NFX1: variants seen among roughly 807,000 people sequenced by gnomAD.
NFX1 encodes the protein nuclear transcription factor, X-box binding 1.
A neutral mutation model predicts 137.2 loss-of-function variants in NFX1; 69 were observed. The ratio of observed to expected loss-of-function variants is 0.50; its 90% confidence interval spans 0.41 to 0.61. The LOEUF is 0.61. Among genes scored for constraint, NFX1 ranks in the 20% least tolerant of loss-of-function variants. The pLI is 0.00. For synonymous variants in NFX1, 495 were observed against 474.1 expected, an observed-to-expected ratio of 1.04 and a Z score of -0.57; for missense variants, 1,167 against 1,391.0, an observed-to-expected ratio of 0.84 and a Z score of 2.56.
In NFX1 at chr9:33,301,337, C is replaced by A; in HGVS notation, c.1108C>A (p.Pro370Thr). ...CTGTGAATTGGTTCGTGTCACGGCC[C>A]CAGTGTGGAGTTGTCAGAGCTGTTA... is the stretch of plus-strand genomic sequence containing the variant. Reference protein sequence around the residue: ...VCCELVRVTAPVWSCQSCYHV... With the variant: ...VCCELVRVTATVWSCQSCYHV... The change falls in exon 3 of 24, where the codon CCA (proline) becomes ACA (threonine). Residue 370 changes from proline to threonine, a missense_variant. Around this residue, in one of 3 missense-constraint regions of NFX1, gnomAD observed 488 missense variants for 691.5 expected, o/e 0.71. Coordinates refer to ENST00000379540, the MANE Select transcript of NFX1 (RefSeq NM_002504.6). 1.9e-6 allele frequency: 3 copies of A among 1,614,080 alleles called. No homozygotes were observed. Among genetic ancestry groups the A allele is most frequent in the Non-Finnish European group, 2.5e-6 (3 of 1,180,018 alleles).
intron 4 of NFX1, 111 bp from the exon 5 acceptor site, chr9:33,307,083 A>C (rs1821780213): frequency 1.4e-6 from 1 of 708,066 alleles, no homozygotes; most frequent in East Asian, 2.6e-5. Flanking sequence ...TGTTGAAATA[A>C]TAAAAACCAC....
chr9:33,364,903 T>C, intron 21 of NFX1, 129 bp downstream of exon 21: 1 of 1,492,032 alleles, frequency 6.7e-7, no homozygotes, highest in Non-Finnish European at 8.9e-7. Flanking sequence ...TCTTTGAGGA[T>C]CCTTATCTTT....
chr9:33,332,056 C>T (rs753459524), intron 10 of NFX1, among the ~76,000 whole-genome samples: 1 of 152,064 alleles, frequency 6.6e-6, no homozygotes, highest in Non-Finnish European at 1.5e-5. Flanking sequence ...TTTGTCCCTG[C>T]ATTAAATGGT....
intron 5 of NFX1, among the ~76,000 whole-genome samples, chr9:33,308,990 G>A (rs1821861553): frequency 6.6e-6 from 1 of 152,130 alleles, no homozygotes; most frequent in African/African-American, 2.4e-5. Flanking sequence ...TTGACTGCTC[G>A]CATAGGTCCT....
chr9:33,294,814 A>G lies in NFX1; in HGVS notation c.420A>G (p.Ser140=), dbSNP rs1425584101. ...DTAGLESSTR[S]ESGTDLREHS... ...CTGGATTAGAGAGCTCGACCAGATC[A>G]GAGAGTGGGACAGACCTCAGAGAGC... The change falls in exon 2 of 24, where the codon TCA becomes TCG. Residue 140 remains serine (S), a synonymous_variant. Coordinates refer to ENST00000379540, the MANE Select transcript of NFX1 (RefSeq NM_002504.6). 6.2e-7 allele frequency: 1 copy of G among 1,614,144 alleles called. No individual in the cohort carries two copies. The highest frequency in any genetic ancestry group is 8.5e-7 in the Non-Finnish European group (1 of 1,180,032).
At position 33,303,288 on chromosome 9, in the gene NFX1, C is replaced by T; in HGVS notation, c.1270+20C>T. On this transcript the variant is annotated intron_variant, in intron 4 of 23. Coordinates refer to ENST00000379540, the MANE Select transcript of NFX1 (RefSeq NM_002504.6). ...TCTGTGGTAAGTTTGTTTATATACA[C>T]TGGAGTCTCTTTTACTACATACATT... 6.2e-7 allele frequency: 1 copy of T among 1,600,204 alleles called. No homozygotes were observed. Among genetic ancestry groups the T allele is most frequent in the Non-Finnish European group, 8.6e-7 (1 of 1,167,478 alleles).
intron 23 of NFX1, among the ~76,000 whole-genome samples, chr9:33,369,191 G>C (rs1824257110): frequency 1.3e-5 from 2 of 152,004 alleles, no homozygotes; most frequent in African/African-American, 4.8e-5. Flanking sequence ...TCAGCCTCCT[G>C]AGTAGCTGGG....
chr9:33,362,524 C>T (rs1414868225), intron 19 of NFX1, among the ~76,000 whole-genome samples: 1 of 152,020 alleles, frequency 6.6e-6, no homozygotes, highest in African/African-American at 2.4e-5. Flanking sequence ...GAAAGACAGA[C>T]ACCACACGAT....
intron 9 of NFX1, 47 bp from the exon 10 acceptor site, chr9:33,328,534 T>G (rs770900675): frequency 6.3e-6 from 9 of 1,429,980 alleles, no homozygotes; most frequent in Non-Finnish European, 8.8e-6. Flanking sequence ...AGTATGAAAA[T>G]GAGTAGTTGC....
intron 11 of NFX1, among the ~76,000 whole-genome samples, chr9:33,334,523 T>A (rs1822928173): frequency 6.6e-6 from 1 of 151,528 alleles, no homozygotes; most frequent in African/African-American, 2.4e-5. Context: ...TTATGAAGTT[T>A]AAAAAAAAAT....
intron 19 of NFX1, among the ~76,000 whole-genome samples, chr9:33,362,567 A>G (rs1483633522): frequency 6.6e-6 from 1 of 152,142 alleles, no homozygotes; most frequent in Non-Finnish European, 1.5e-5. Context: ...AAAAAATAAT[A>G]CAGAAGCAGA....
Position 33,328,641 on chromosome 9 carries a change from C to T in NFX1, c.1967C>T (p.Thr656Ile). ...GGAGACTGTGGACCATGCTCTCGCACATCAGTTATTTCCTGCAGATGCTCT... is the reference window on the plus strand; with the variant it reads ...GGAGACTGTGGACCATGCTCTCGCATATCAGTTATTTCCTGCAGATGCTCT... ...HEGDCGPCSR[T>I]SVISCRCSFR... Residue 656 changes from threonine to isoleucine, a missense_variant, in exon 10 of 24, where the codon ACA (threonine) becomes ATA (isoleucine). Physicochemically the swap from Thr to Ile is moderately conservative, Grantham distance 89. Coordinates refer to ENST00000379540, the MANE Select transcript of NFX1 (RefSeq NM_002504.6). 1.2e-6 allele frequency: 2 copies of T among 1,612,228 alleles called. No homozygotes were observed. Among genetic ancestry groups the T allele is most frequent in the African/African-American group, 1.3e-5 (1 of 75,024 alleles).
rs988578232 is a variant in NFX1, at chr9:33,307,240, C to T, written c.1317C>T (p.Ser439=). The T allele has an allele frequency of 6.2e-7, 1 of 1,613,986 alleles. No individual in the cohort carries two copies. Among genetic ancestry groups the T allele is most frequent in the Non-Finnish European group, 8.5e-7 (1 of 1,180,008 alleles). ...PEWSRNEIPH[S]CGEVCRKKQP... ...GGAGCAGAAATGAAATTCCACATAG[C>T]TGTGGTGAGGTTTGTAGAAAGAAAC... The change falls in exon 5 of 24, where the codon AGC becomes AGT. Residue 439 remains serine, a synonymous_variant. Transcript: ENST00000379540.
chr9:33,323,942 C>T lies in NFX1; in HGVS notation c.1907-4639C>T, dbSNP rs113830791. On this transcript the variant is annotated intron_variant, in intron 9 of 23. Transcript: ENST00000379540. ...TTCTGAAGTTTAAAAGTAGGATAAC[C>T]GAAATGCAAAATTCATTAGGCTGGG... 7.0e-3 allele frequency among the ~76,000 whole-genome samples: 1,068 copies of T among 152,110 alleles called. 6 individuals carry two copies. Among genetic ancestry groups the T allele is most frequent in the Non-Finnish European group, 8.7e-3 (592 of 67,984 alleles).
intron 19 of NFX1, among the ~76,000 whole-genome samples, chr9:33,355,641 C>CTTTTTT (rs35866452): frequency 5.4e-5 from 5 of 92,196 alleles, no homozygotes; most frequent in African/African-American, 8.5e-5. Context: ...GTTAAGAATT[C>CTTTTTT]TTTTTTTTTT....
At chr9:33,303,302 A>G in intron 4 of NFX1, 34 bp downstream of exon 4, 2 of 1,560,284 alleles carry the variant, frequency 1.3e-6, no homozygotes, top group South Asian at 1.1e-5. Flanking sequence ...AGTCTCTTTT[A>G]CTACATACAT....
chr9:33,369,298 C>T lies in NFX1; in HGVS notation c.3291-608C>T, dbSNP rs539837386. Among the ~76,000 whole-genome samples, 10 of 152,200 alleles carry T rather than the reference C, an allele frequency of 6.6e-5. No individual in the cohort carries two copies. The South Asian group carries it at 2.1e-3, about 32-fold the overall frequency. ...TAGGATGGTCTCAATCTCCTGACCT[C>T]GTGATCCGTCCGCCTTGGCCTCCCA... On this transcript the variant is annotated intron_variant, in intron 23 of 23. Transcript: ENST00000379540.
intron 5 of NFX1, among the ~76,000 whole-genome samples, chr9:33,307,686 A>G (rs1821801375): frequency 6.6e-6 from 1 of 152,164 alleles, no homozygotes; most frequent in Non-Finnish European, 1.5e-5. Flanking sequence ...TCCAGGTCCA[A>G]GAGAATGTAT....
intron 19 of NFX1, among the ~76,000 whole-genome samples, chr9:33,361,846 C>T (rs1056627821): frequency 2.0e-5 from 3 of 149,950 alleles, no homozygotes; most frequent in Non-Finnish European, 4.4e-5. Flanking sequence ...AAAAGGGGCC[C>T]GTTACAGCGG....
Sources: allele counts gnomAD v4.1 joint callset (sites outside exome capture counted in the v4.1 genomes callset), GRCh38; gene constraint gnomAD v4.1.1; regional missense constraint gnomAD v4.1.1; transcripts MANE v1.5; gene names NCBI Gene and HGNC (gene_info 2026-07-23, HGNC 2026-07-21).